ABCC1: variants seen among roughly 807,000 people sequenced by gnomAD.
ABCC1 encodes the protein ATP binding cassette subfamily C member 1 (ABCC1 blood group), also known as multidrug resistance-associated protein 1.
ABCC1 carries 83 observed loss-of-function variants against 172.9 expected under a neutral mutation model. The observed-to-expected ratio is 0.48, with a 90% CI of 0.40 to 0.58. The LOEUF (loss-of-function observed/expected upper bound fraction) is 0.58. Among genes scored for constraint, ABCC1 ranks in the 20% least tolerant of loss-of-function variants. The probability of loss-of-function intolerance (pLI) is 0.00; values close to 1 mark genes in which losing one functional copy is unlikely to be tolerated. For missense variants in ABCC1, 1,817 were observed against 2,002.7 expected (o/e 0.91, Z 1.77); for synonymous variants, 937 against 825.2 (o/e 1.14, Z -2.32).
rs777278315 is a variant in ABCC1, at chr16:16,083,478, C to T, written c.2228C>T (p.Ala743Val). ...EEPYYRSVIQ[A>V]CALLPDLEIL... Reference sequence around the variant, plus strand: ...CCATATTACAGGTCCGTGATACAGGCCTGTGCCCTCCTCCCAGACCTGGAA... The same window carrying T: ...CCATATTACAGGTCCGTGATACAGGTCTGTGCCCTCCTCCCAGACCTGGAA... The change falls in exon 17 of 31, where the codon GCC becomes GTC. Residue 743 changes from alanine to valine, a missense_variant. By Grantham distance (64) the Ala-to-Val change is moderately conservative (BLOSUM62 0). Coordinates refer to ENST00000399410, the MANE Select transcript of ABCC1 (RefSeq NM_004996.4). 3 of 1,613,808 alleles carry T rather than the reference C, an allele frequency of 1.9e-6. No individual in the cohort carries two copies. In the Admixed American group the frequency reaches 5.0e-5, roughly 27 times the overall value.
At chr16:15,978,238 C>T (rs2046536464) in intron 1 of ABCC1, among the ~76,000 whole-genome samples, 1 of 151,968 alleles carries the variant, frequency 6.6e-6, no homozygotes, top group Non-Finnish European at 1.5e-5. Flanking sequence ...GTGGCATGCA[C>T]TTGTGGTTCT....
chr16:16,051,630 G>A (rs1423116474), intron 10 of ABCC1, among the ~76,000 whole-genome samples: 1 of 152,146 alleles, frequency 6.6e-6, no homozygotes, highest in African/African-American at 2.4e-5. Flanking sequence ...GTGAAATGTT[G>A]CCAACCAGGG....
At position 16,125,920 on chromosome 16, in the gene ABCC1, G is replaced by T. The variant is rs772901199; in HGVS notation, c.3819+9G>T. 6.2e-7 allele frequency: 1 copy of T among 1,610,196 alleles called. No individual in the cohort carries two copies. The highest frequency in any genetic ancestry group is 8.5e-7 in the Non-Finnish European group (1 of 1,176,808). On this transcript the variant is annotated intron_variant, in intron 26 of 30. Coordinates refer to ENST00000399410, the MANE Select transcript of ABCC1 (RefSeq NM_004996.4). ...CAGAGACTGAGAAGGAGGTAGGCAA[G>T]GGCCCCTGGCTGGACCTCTTGGTCT...
chr16:16,083,229 C>T, intron 16 of ABCC1, 137 bp from the exon 17 acceptor site: 2 of 862,218 alleles, frequency 2.3e-6, no homozygotes, highest in Admixed American at 4.9e-5. Flanking sequence ...GTCAGTTTCC[C>T]TCTTGCCAAA....
Position 16,016,615 on chromosome 16 carries a change from C to T in ABCC1, c.609C>T (p.His203=), listed in dbSNP as rs374078745. ...DRSPLFSETI[H]DPNPCPESSA... ...CACCCCTGTTCTCGGAAACCATCCA[C>T]GACCCTGTAAGTGTGACCACAGATG... is the stretch of plus-strand genomic sequence containing the variant. The change falls in exon 5 of 31, where the codon CAC becomes CAT. Residue 203 remains histidine (H), a synonymous_variant. Transcript: ENST00000399410. The T allele has an allele frequency of 1.7e-5, 27 of 1,614,042 alleles. No homozygotes were observed. In the Middle Eastern group the frequency reaches 4.9e-4, roughly 29 times the overall value.
intron 23 of ABCC1, among the ~76,000 whole-genome samples, chr16:16,116,426 C>G (rs1177552453): frequency 6.6e-6 from 1 of 152,094 alleles, no homozygotes; most frequent in African/African-American, 2.4e-5. Context: ...CTGTTTTTTT[C>G]TGTACATACA....
At position 16,124,849 on chromosome 16, in the gene ABCC1, T is replaced by G. The variant is rs2045364122; in HGVS notation, c.3651T>G (p.Phe1217Leu). The change falls in exon 25 of 31, where the codon TTT becomes TTG. Residue 1217 changes from phenylalanine (F) to leucine (L), a missense_variant. By Grantham distance (22) the Phe-to-Leu change is conservative. This residue lies in a region of ABCC1 where 1,412 missense variants were observed against 1,600.3 expected (regional missense o/e 0.88). Coordinates refer to ENST00000399410, the MANE Select transcript of ABCC1 (RefSeq NM_004996.4). ...GCATCGTTCTGTTTGCTGCCCTGTT[T>G]GCGGTGATCTCCAGGCACAGCCTCA... ...GNCIVLFAAL[F>L]AVISRHSLSA... 3 of 1,614,232 alleles carry G rather than the reference T, an allele frequency of 1.9e-6. No homozygotes were observed. The highest frequency in any genetic ancestry group is 1.3e-5 in the African/African-American group (1 of 75,060).
At chr16:16,041,612 G>GA (rs2048980777) in intron 7 of ABCC1, among the ~76,000 whole-genome samples, 1 of 152,172 alleles carries the variant, frequency 6.6e-6, no homozygotes, top group Non-Finnish European at 1.5e-5. Flanking sequence ...TCCTAGGCTG[G>GA]AATTTCCTGG....
intron 23 of ABCC1, 94 bp downstream of exon 23, chr16:16,115,170 G>T (rs2044803584): frequency 2.3e-6 from 3 of 1,322,784 alleles, no homozygotes; most frequent in East Asian, 2.4e-5. Context: ...CATGTCCCCA[G>T]TGTGGTGCTT....
At chr16:16,126,259 T>G (rs1237756371) in intron 26 of ABCC1, among the ~76,000 whole-genome samples, 2 of 152,172 alleles carry the variant, frequency 1.3e-5, no homozygotes, top group African/African-American at 4.8e-5. Flanking sequence ...GGCTAGCAGG[T>G]CTTTAACACC....
rs1403690247 is a variant in ABCC1, at chr16:16,134,625, C to G, written c.4125+117C>G. ...ATACATTTGGCCCTACTTCATCGTT[C>G]TTTTTTTTTTTTTTTTTTTTTTTTT... On this transcript the variant is annotated intron_variant, in intron 28 of 30. Transcript: ENST00000399410. 1.4e-4 allele frequency: 51 copies of G among 355,528 alleles called. 1 individual carries two copies. Among genetic ancestry groups the G allele is most frequent in the Middle Eastern group, 1.8e-3 (2 of 1,104 alleles). 22.0% of individuals were successfully genotyped at this position (355,528 alleles called of 1,614,324 possible).
chr16:16,064,372 A>G (rs2050033529), intron 12 of ABCC1, among the ~76,000 whole-genome samples: 1 of 152,136 alleles, frequency 6.6e-6, no homozygotes. Flanking sequence ...CTGTGCTTCC[A>G]CTAGACTGTG....
chr16:16,061,315 C>T lies in ABCC1; in HGVS notation c.1677+5020C>T, dbSNP rs145463838. 7.2e-5 allele frequency among the ~76,000 whole-genome samples: 11 copies of T among 152,346 alleles called. No individual in the cohort carries two copies. The East Asian group carries it at 1.5e-3, about 21-fold the overall frequency. On this transcript the variant is annotated intron_variant, in intron 12 of 30. Transcript: ENST00000399410. ...AGATGGTATTCATACAGCCGGACTT[C>T]GCACGTGGCCACCTCAGCCTGCTGA...
chr16:16,031,609 A>G (rs1251795594), intron 5 of ABCC1, among the ~76,000 whole-genome samples: 4 of 152,082 alleles, frequency 2.6e-5, no homozygotes, highest in Non-Finnish European at 5.9e-5. Flanking sequence ...CCTGGAGTCT[A>G]CCATGCTTTC....
intron 3 of ABCC1, among the ~76,000 whole-genome samples, chr16:16,010,404 A>G (rs1008337044): frequency 3.9e-5 from 6 of 151,956 alleles, no homozygotes; most frequent in East Asian, 1.9e-4. Context: ...ACCATGCCCT[A>G]TTGTCTTCCC....
chr16:15,977,102 G>C lies in ABCC1; in HGVS notation c.48+27303G>C, dbSNP rs2046513025. On this transcript the variant is annotated intron_variant, in intron 1 of 30. Coordinates refer to ENST00000399410, the MANE Select transcript of ABCC1 (RefSeq NM_004996.4). ...CACTCCTTGAGATGGAAGGCTCTGGGGTCGGGGGAGAGGGAGTGGTGGAGA... is the reference window on the plus strand; with the variant it reads ...CACTCCTTGAGATGGAAGGCTCTGGCGTCGGGGGAGAGGGAGTGGTGGAGA... Among the ~76,000 whole-genome samples, 2 of 152,200 alleles carry C rather than the reference G, an allele frequency of 1.3e-5. 1 individual carries two copies. Among genetic ancestry groups the C allele is most frequent in the South Asian group, 4.1e-4 (2 of 4,830 alleles).
At chr16:15,963,398 C>T (rs1048109016) in intron 1 of ABCC1, among the ~76,000 whole-genome samples, 29 of 152,206 alleles carry the variant, frequency 1.9e-4, no homozygotes, top group African/African-American at 6.5e-4. Context: ...TCTCACAGCT[C>T]CATTAGGCAG....
chr16:16,081,158 G>A (rs2051880863), intron 16 of ABCC1, among the ~76,000 whole-genome samples: 2 of 152,274 alleles, frequency 1.3e-5, no homozygotes, highest in African/African-American at 2.4e-5. Flanking sequence ...GTGAGCCACC[G>A]CTCCTGGCCT....
intron 12 of ABCC1, among the ~76,000 whole-genome samples, chr16:16,063,032 A>AGTT (rs1567362245): frequency 6.6e-6 from 1 of 152,164 alleles, no homozygotes; most frequent in Non-Finnish European, 1.5e-5. Context: ...TCTGTCCTGT[A>AGTT]GTTCTCTGCT....
Sources: gnomAD v4.1 joint callset for allele counts (sites outside exome capture counted in the v4.1 genomes callset) on GRCh38, gnomAD v4.1.1 for gene constraint, gnomAD v4.1.1 regional missense constraint, MANE v1.5 for transcripts, NCBI Gene and HGNC (gene_info 2026-07-23, HGNC 2026-07-21) for gene names.